The following RBM47 variants were observed in gnomAD, a reference collection of about 807,000 sequenced individuals.
RBM47 encodes RNA binding motif protein 47, also known as RNA-binding protein 47.
RBM47 carries 21 observed loss-of-function variants against 47.1 expected under a neutral mutation model. That is an observed-to-expected ratio of 0.45 (90% CI 0.32 to 0.64). The LOEUF is 0.64. RBM47 is among the 30% of genes least tolerant of loss of function. RBM47 has a pLI of 0.05. For synonymous variants in RBM47, 375 were observed against 361.7 expected, an observed-to-expected ratio of 1.04 and a Z score of -0.42; for missense variants, 708 against 870.9, an observed-to-expected ratio of 0.81 and a Z score of 2.35.
chr4:40,507,609 A>T (rs1339826544), intron 2 of RBM47, among the ~76,000 whole-genome samples: 1 of 152,132 alleles, frequency 6.6e-6, no homozygotes, highest in African/African-American at 2.4e-5. Context: ...CAAGATGGTG[A>T]AACCCCGTCT....
chr4:40,498,285 T>C (rs1347787192), intron 2 of RBM47, among the ~76,000 whole-genome samples: 1 of 151,924 alleles, frequency 6.6e-6, no homozygotes, highest in Non-Finnish European at 1.5e-5. Context: ...TTACCTAAAA[T>C]TGATGCTTTT....
chr4:40,545,943 CAG>C (rs1403127843), intron 1 of RBM47, among the ~76,000 whole-genome samples: 1 of 151,938 alleles, frequency 6.6e-6, no homozygotes, highest in Non-Finnish European at 1.5e-5. Context: ...GCCTAGCACA[CAG>C]AGAAAATGTT....
chr4:40,432,831 G>C lies in RBM47; in HGVS notation c.1362C>G (p.Ser454=). 1.9e-6 allele frequency: 3 copies of C among 1,613,596 alleles called. No individual in the cohort carries two copies. The highest frequency in any genetic ancestry group is 2.5e-6 in the Non-Finnish European group (3 of 1,179,904). The stretch of plus-strand genomic sequence containing the variant: ...TAGGGGCTGGAGCTGCTGGAAACAT[G>C]GAATACTGAGCCCCAATGGCAGGGA... ...VAIPAIGAQY[S]MFPAAPAPKM... is the part of the protein sequence containing the mutation. Residue 454 remains serine, a synonymous_variant, in exon 6 of 7, where the codon TCC becomes TCG. Coordinates refer to ENST00000295971, the MANE Select transcript of RBM47 (RefSeq NM_001098634.2).
intron 1 of RBM47, among the ~76,000 whole-genome samples, chr4:40,597,525 T>G (rs1734867942): frequency 1.3e-5 from 2 of 152,004 alleles, no homozygotes; most frequent in African/African-American, 4.8e-5. Context: ...GAGGTTGCAG[T>G]GAGGCGAGAT....
intron 2 of RBM47, among the ~76,000 whole-genome samples, chr4:40,517,957 G>C (rs1017566292): frequency 6.6e-6 from 1 of 152,026 alleles, no homozygotes; most frequent in Non-Finnish European, 1.5e-5. Flanking sequence ...TGGGGGGCCT[G>C]CAACCAATTC....
At chr4:40,439,179 C>A (rs1382504288) in intron 3 of RBM47, among the ~76,000 whole-genome samples, 1 of 152,122 alleles carries the variant, frequency 6.6e-6, no homozygotes, top group African/African-American at 2.4e-5. Flanking sequence ...ACTTCCATTT[C>A]ATCAGTACCC....
At chr4:40,486,008 T>C (rs1411555715) in intron 2 of RBM47, among the ~76,000 whole-genome samples, 1 of 143,258 alleles carries the variant, frequency 7.0e-6, no homozygotes, top group African/African-American at 2.6e-5. Flanking sequence ...AAGCTCCAAC[T>C]GTAGTGAGCC....
At chr4:40,616,725 A>G (rs952928540) in intron 1 of RBM47, among the ~76,000 whole-genome samples, 1 of 152,114 alleles carries the variant, frequency 6.6e-6, no homozygotes, top group Admixed American at 6.6e-5. Context: ...CAAAGCTTAC[A>G]AAAGTTAGGT....
intron 1 of RBM47, among the ~76,000 whole-genome samples, chr4:40,572,711 C>T (rs936435101): frequency 3.1e-4 from 47 of 151,398 alleles, no homozygotes; most frequent in African/African-American, 1.1e-3. Context: ...ATAGTGAGAC[C>T]TTATCTCTAT....
intron 1 of RBM47, among the ~76,000 whole-genome samples, chr4:40,589,686 G>T (rs1308188865): frequency 1.3e-5 from 2 of 152,184 alleles, no homozygotes; most frequent in Admixed American, 6.5e-5. Context: ...TGATCCACCC[G>T]CCTCGGCCTC....
chr4:40,572,210 C>T (rs1383679519), intron 1 of RBM47, among the ~76,000 whole-genome samples: 1 of 150,980 alleles, frequency 6.6e-6, no homozygotes, highest in African/African-American at 2.4e-5. Context: ...CTGGTGAAAC[C>T]CCCTCTCTAC....
chr4:40,461,706 A>C (rs1364986860), intron 3 of RBM47, among the ~76,000 whole-genome samples: 1 of 152,200 alleles, frequency 6.6e-6, no homozygotes, highest in African/African-American at 2.4e-5. Flanking sequence ...AGATGGGCGG[A>C]TCACCTGAGG....
intron 5 of RBM47, among the ~76,000 whole-genome samples, chr4:40,434,070 T>C (rs932900779): frequency 2.7e-5 from 4 of 150,094 alleles, no homozygotes; most frequent in African/African-American, 9.8e-5. Context: ...ATGAAATGTG[T>C]ACACAAAGAA....
rs745331783 is a variant in RBM47, at chr4:40,438,768, C to G, written c.126G>C (p.Thr42=). The change falls in exon 4 of 7, where the codon ACG becomes ACC. Residue 42 remains threonine (T), a synonymous_variant. Transcript: ENST00000295971. ...EAALLALMER[T]GYSMVQENGQ... is the part of the protein sequence containing the mutation. ...CGTTCTCTTGCACCATGCTGTAGCC[C>G]GTGCGCTCCATCAGCGCCAGCAGTG... The G allele has an allele frequency of 9.5e-6, 15 of 1,575,436 alleles. No homozygotes were observed. The highest frequency in any genetic ancestry group is 8.1e-5 in the African/African-American group (6 of 74,344).
At chr4:40,606,362 G>GA (rs1204285726) in intron 1 of RBM47, among the ~76,000 whole-genome samples, 5 of 151,414 alleles carry the variant, frequency 3.3e-5, no homozygotes, top group African/African-American at 7.3e-5. Flanking sequence ...GTCTCGGTAA[G>GA]AAAAAAAAGA....
At chr4:40,607,791 C>G (rs937905259) in intron 1 of RBM47, among the ~76,000 whole-genome samples, 1 of 152,116 alleles carries the variant, frequency 6.6e-6, no homozygotes, top group African/African-American at 2.4e-5. Flanking sequence ...CTAAAAGCCA[C>G]TGCATTTTCT....
intron 6 of RBM47, among the ~76,000 whole-genome samples, chr4:40,427,939 C>G (rs1319346558): frequency 1.3e-5 from 2 of 151,966 alleles, no homozygotes; most frequent in African/African-American, 4.8e-5. Flanking sequence ...GCCTGTAATC[C>G]TAGCACTTTG....
At chr4:40,571,760 C>T (rs1560477473) in intron 1 of RBM47, among the ~76,000 whole-genome samples, 2 of 151,918 alleles carry the variant, frequency 1.3e-5, no homozygotes, top group African/African-American at 4.8e-5. Flanking sequence ...TGGCTCACGC[C>T]TGTAATCCTA....
intron 2 of RBM47, among the ~76,000 whole-genome samples, chr4:40,534,965 G>A (rs994684917): frequency 2.0e-5 from 3 of 150,036 alleles, no homozygotes; most frequent in Non-Finnish European, 4.4e-5. Context: ...ATGCAAACTC[G>A]CCTCAGACTG....
Sources: allele counts gnomAD v4.1 joint callset (sites outside exome capture counted in the v4.1 genomes callset), GRCh38; gene constraint gnomAD v4.1.1; transcripts MANE v1.5; gene names NCBI Gene and HGNC (gene_info 2026-07-23, HGNC 2026-07-21).